The following ZFYVE9 variants were observed in gnomAD, a reference collection of about 807,000 sequenced individuals.
The protein encoded by ZFYVE9 is zinc finger FYVE domain-containing protein 9.
Under a neutral mutation model 126.7 loss-of-function variants are expected in ZFYVE9, and 43 were observed. The ratio of observed to expected loss-of-function variants is 0.34; its 90% CI spans 0.27 to 0.44. ZFYVE9 has a LOEUF of 0.44. Among genes scored for constraint, ZFYVE9 ranks in the 20% least tolerant of loss-of-function variants. ZFYVE9 has a pLI of 1.00. For synonymous variants in ZFYVE9, 521 were observed against 597.4 expected, an observed-to-expected ratio of 0.87 and a Z score of 1.87; for missense variants, 1,476 against 1,697.0, an observed-to-expected ratio of 0.87 and a Z score of 2.29.
intron 1 of ZFYVE9, chr1:52,179,927 G>A: frequency 9.5e-7 from 1 of 1,048,208 alleles, no homozygotes; most frequent in Non-Finnish European, 1.5e-6. Flanking sequence ...AATTGGAAGA[G>A]GAGGCAGAAG....
chr1:52,219,829 C>T (rs1645107911), intron 2 of ZFYVE9, among the ~76,000 whole-genome samples: 1 of 147,670 alleles, frequency 6.8e-6, no homozygotes, highest in Non-Finnish European at 1.5e-5. Context: ...GTCGCCCGGG[C>T]TGGAGTGCAG....
At chr1:52,245,828 A>G (rs1224511167) in intron 4 of ZFYVE9, among the ~76,000 whole-genome samples, 1 of 152,214 alleles carries the variant, frequency 6.6e-6, no homozygotes, top group Admixed American at 6.5e-5. Flanking sequence ...TCTTTCCCAT[A>G]AATAAAGTTG....
chr1:52,260,577 G>A (rs1467422380), intron 4 of ZFYVE9, among the ~76,000 whole-genome samples: 1 of 152,118 alleles, frequency 6.6e-6, no homozygotes, highest in African/African-American at 2.4e-5. Flanking sequence ...AGCACTTTGG[G>A]AGGCTGAGCC....
At chr1:52,324,996 TA>T (rs1646277191) in intron 13 of ZFYVE9, among the ~76,000 whole-genome samples, 1 of 152,000 alleles carries the variant, frequency 6.6e-6, no homozygotes, top group South Asian at 2.1e-4. Flanking sequence ...ATAAAAGAAT[TA>T]GGCTGGGCGT....
At chr1:52,258,074 A>G (rs1270935138) in intron 4 of ZFYVE9, among the ~76,000 whole-genome samples, 1 of 152,218 alleles carries the variant, frequency 6.6e-6, no homozygotes, top group Non-Finnish European at 1.5e-5. Flanking sequence ...CAAGGAAGCA[A>G]TAAGCAAATA....
intron 1 of ZFYVE9, among the ~76,000 whole-genome samples, chr1:52,177,713 CAGG>C (rs893930260): frequency 6.6e-6 from 1 of 152,160 alleles, no homozygotes; most frequent in Admixed American, 6.5e-5. Context: ...GAAAAATTAA[CAGG>C]AGTTCTCCAG....
chr1:52,303,593 ATGT>A (rs996145509), intron 12 of ZFYVE9, among the ~76,000 whole-genome samples: 26 of 152,210 alleles, frequency 1.7e-4, no homozygotes, highest in Admixed American at 2.6e-4. Flanking sequence ...ATATTTTTTA[ATGT>A]TGTGTATAAG....
chr1:52,255,923 C>G (rs1645505432), intron 4 of ZFYVE9, among the ~76,000 whole-genome samples: 1 of 106,680 alleles, frequency 9.4e-6, no homozygotes, highest in Non-Finnish European at 1.8e-5. Flanking sequence ...CTTTTCTTTT[C>G]TTTTCTTTTC....
At chr1:52,252,689 C>A (rs919033694) in intron 4 of ZFYVE9, 16 of 385,718 alleles carry the variant, frequency 4.1e-5, no homozygotes, top group South Asian at 3.2e-4. Flanking sequence ...GTTCCACATG[C>A]CTTATATAAG....
intron 1 of ZFYVE9, among the ~76,000 whole-genome samples, chr1:52,183,844 T>A (rs1170532216): frequency 1.6e-5 from 2 of 126,762 alleles, no homozygotes; most frequent in Non-Finnish European, 3.2e-5. Flanking sequence ...TCAGAGCTTT[T>A]CTTTTCTATC....
At chr1:52,143,216 T>C (rs941530730) in intron 1 of ZFYVE9, among the ~76,000 whole-genome samples, 2 of 152,218 alleles carry the variant, frequency 1.3e-5, no homozygotes, top group Non-Finnish European at 2.9e-5. Context: ...AGAGAATAGT[T>C]GGCAAAAGGA....
At chr1:52,150,627 C>T (rs997393809) in intron 1 of ZFYVE9, among the ~76,000 whole-genome samples, 1 of 151,676 alleles carries the variant, frequency 6.6e-6, no homozygotes, top group Admixed American at 6.6e-5. Flanking sequence ...ATTGGCTGGG[C>T]GTGGCGTTGG....
At chr1:52,209,054 CAAAA>C in intron 1 of ZFYVE9, among the ~76,000 whole-genome samples, 1 of 152,230 alleles carries the variant, frequency 6.6e-6, no homozygotes, top group South Asian at 2.1e-4. Context: ...GATACAATGA[CAAAA>C]GAAGCAATCT....
intron 13 of ZFYVE9, among the ~76,000 whole-genome samples, chr1:52,329,950 A>G (rs1419971714): frequency 6.6e-6 from 1 of 152,126 alleles, no homozygotes; most frequent in Non-Finnish European, 1.5e-5. Flanking sequence ...CAAAGACAGC[A>G]AGGCAAAGTG....
chr1:52,171,647 C>A (rs1180864120), intron 1 of ZFYVE9, among the ~76,000 whole-genome samples: 1 of 152,094 alleles, frequency 6.6e-6, no homozygotes, highest in African/African-American at 2.4e-5. Context: ...TTCTCCACAT[C>A]CTCTCCAGCA....
intron 4 of ZFYVE9, among the ~76,000 whole-genome samples, chr1:52,255,897 T>TC (rs1239352625): frequency 1.1e-4 from 17 of 148,538 alleles, no homozygotes; most frequent in East Asian, 2.0e-4. Context: ...GCTATTTTGC[T>TC]TTTTTCTTTT....
chr1:52,160,105 C>T (rs541469249), intron 1 of ZFYVE9, among the ~76,000 whole-genome samples: 35 of 152,130 alleles, frequency 2.3e-4, no homozygotes, highest in Non-Finnish European at 4.1e-4. Context: ...TTATCCTTGT[C>T]CTTGATTATA....
intron 1 of ZFYVE9, among the ~76,000 whole-genome samples, chr1:52,177,224 A>C (rs990145264): frequency 2.7e-5 from 4 of 148,692 alleles, no homozygotes; most frequent in African/African-American, 1.0e-4. Context: ...ATCTCAGCTC[A>C]CTGCAACCTC....
intron 1 of ZFYVE9, among the ~76,000 whole-genome samples, chr1:52,147,209 A>C (rs1644313661): frequency 6.6e-6 from 1 of 152,114 alleles, no homozygotes; most frequent in African/African-American, 2.4e-5. Flanking sequence ...CGCATAAAGT[A>C]TTTTCTATTT....
Sources: allele counts gnomAD v4.1 joint callset (sites outside exome capture counted in the v4.1 genomes callset), GRCh38; gene constraint gnomAD v4.1.1; transcripts MANE v1.5; gene names NCBI Gene and HGNC (gene_info 2026-07-23, HGNC 2026-07-21).